Variants in INPP4B observed in about 807,000 individuals in gnomAD.
The protein encoded by INPP4B is inositol polyphosphate 4-phosphatase type II.
In INPP4B, 55 loss-of-function variants were observed where a neutral mutation model predicts 122.5. The ratio of observed to expected loss-of-function variants is 0.45; its 90% CI spans 0.36 to 0.56. INPP4B has a LOEUF of 0.56. Among genes scored for constraint, INPP4B ranks in the 20% least tolerant of loss-of-function variants. The pLI, the probability that INPP4B is intolerant of heterozygous loss-of-function variation, is 0.00. For synonymous variants in INPP4B, 403 were observed against 388.7 expected, an observed-to-expected ratio of 1.04 and a Z score of -0.43; for missense variants, 1,000 against 1,097.7, an observed-to-expected ratio of 0.91 and a Z score of 1.26.
chr4:142,253,500 C>T (rs1406453250), intron 11 of INPP4B, among the ~76,000 whole-genome samples: 1 of 152,126 alleles, frequency 6.6e-6, no homozygotes, highest in Admixed American at 6.5e-5. Context: ...GGTGCGCGCA[C>T]CATGTGCGAG....
At chr4:142,670,742 C>A (rs1471556158) in intron 2 of INPP4B, among the ~76,000 whole-genome samples, 1 of 151,822 alleles carries the variant, frequency 6.6e-6, no homozygotes, top group Non-Finnish European at 1.5e-5. Context: ...CACAACATGG[C>A]AACAATATTT....
intron 18 of INPP4B, among the ~76,000 whole-genome samples, chr4:142,144,795 T>G (rs550480047): frequency 6.6e-6 from 1 of 152,234 alleles, no homozygotes; most frequent in African/African-American, 2.4e-5. Context: ...AATCAAGTGA[T>G]GAAAGATTGA....
At chr4:142,468,811 T>C (rs748132586) in intron 2 of INPP4B, among the ~76,000 whole-genome samples, 2 of 152,150 alleles carry the variant, frequency 1.3e-5, no homozygotes, top group African/African-American at 4.8e-5. Context: ...ACCTCTTTTC[T>C]TTATAAATAA....
At chr4:142,562,751 A>T (rs921756960) in intron 2 of INPP4B, among the ~76,000 whole-genome samples, 2 of 152,216 alleles carry the variant, frequency 1.3e-5, no homozygotes, top group African/African-American at 4.8e-5. Context: ...ATAAAGAGAA[A>T]ATAAAGTCCC....
In INPP4B at chr4:142,589,216, T is replaced by C. The variant is rs550335453; in HGVS notation, c.-190-126490A>G. 5.3e-5 allele frequency among the ~76,000 whole-genome samples: 8 copies of C among 152,174 alleles called. No individual in the cohort carries two copies. The South Asian group carries it at 1.5e-3, about 28-fold the overall frequency. ...ACCTAAATGTAGAATATAAAAGCTA[T>C]ACTCGATGTCCTTTTATTTGGTGGT... On this transcript the variant is annotated intron_variant, in intron 2 of 25. Coordinates refer to ENST00000262992, the MANE Select transcript of INPP4B (RefSeq NM_001101669.3).
In INPP4B at chr4:142,384,059, T is replaced by C. The variant is rs1195955056; in HGVS notation, c.372+18879A>G. 6 of 701,812 alleles carry C rather than the reference T, an allele frequency of 8.5e-6. No homozygotes were observed. The Admixed American group carries it at 1.2e-4, about 14-fold the overall frequency. The allele number at this position is 701,812 out of a possible 1,614,324, so 43.5% of individuals were successfully genotyped here. Reference sequence around the variant, plus strand: ...TGACTGAGCAAGTTGTCTCAAGTTGTCTCAGCTCTGAGGACCTCAAGATCC... The same window carrying C: ...TGACTGAGCAAGTTGTCTCAAGTTGCCTCAGCTCTGAGGACCTCAAGATCC... On this transcript the variant is annotated intron_variant, in intron 7 of 25. Transcript: ENST00000262992.
At chr4:142,701,137 G>A (rs1189746357) in intron 2 of INPP4B, among the ~76,000 whole-genome samples, 2 of 152,122 alleles carry the variant, frequency 1.3e-5, no homozygotes, top group African/African-American at 4.8e-5. Context: ...AAACTGGTCT[G>A]CTTGCCACTC....
chr4:142,764,160 A>G (rs773974852), intron 1 of INPP4B, among the ~76,000 whole-genome samples: 44 of 152,276 alleles, frequency 2.9e-4, no homozygotes, highest in Middle Eastern at 3.4e-3. Flanking sequence ...TTACACATGC[A>G]TATGCAATAA....
intron 1 of INPP4B, among the ~76,000 whole-genome samples, chr4:142,831,558 C>G (rs1302102718): frequency 2.6e-5 from 4 of 152,324 alleles, no homozygotes; most frequent in African/African-American, 9.6e-5. Context: ...AGATTCCTCA[C>G]TATCCATTAA....
intron 12 of INPP4B, among the ~76,000 whole-genome samples, chr4:142,227,556 T>C (rs889020139): frequency 1.6e-4 from 25 of 152,096 alleles, no homozygotes; most frequent in African/African-American, 5.8e-4. Context: ...TTTCATGTAT[T>C]CATGAAAAAT....
At chr4:142,235,616 G>A (rs1027484727) in intron 12 of INPP4B, among the ~76,000 whole-genome samples, 1 of 151,994 alleles carries the variant, frequency 6.6e-6, no homozygotes, top group Non-Finnish European at 1.5e-5. Flanking sequence ...TAGTAGAGAT[G>A]AAGTTTCACT....
In INPP4B at chr4:142,431,287, C is replaced by A. The variant is rs770202155; in HGVS notation, c.-28G>T. On this transcript the variant is annotated 5_prime_UTR_variant, in exon 4 of 26. Transcript: ENST00000262992. ...TCAACCTTCACAGTTTTAAAATTTT[C>A]CAAATTTTCTTGTCCAAATGTCAGT... 1.1e-5 allele frequency: 18 copies of A among 1,574,984 alleles called. No individual in the cohort carries two copies. In the East Asian group the frequency reaches 3.1e-4, roughly 27 times the overall value.
chr4:142,747,886 G>C (rs1769019782), intron 1 of INPP4B, among the ~76,000 whole-genome samples: 2 of 152,026 alleles, frequency 1.3e-5, no homozygotes, highest in Admixed American at 1.3e-4. Context: ...GGGGGAGCTG[G>C]GGAAGGGATA....
At chr4:142,723,150 A>T (rs553388116) in intron 2 of INPP4B, among the ~76,000 whole-genome samples, 1 of 152,102 alleles carries the variant, frequency 6.6e-6, no homozygotes, top group Non-Finnish European at 1.5e-5. Context: ...TTCAATTTAC[A>T]AAATTGTGTT....
At chr4:142,405,706 T>C (rs1402448154) in intron 5 of INPP4B, among the ~76,000 whole-genome samples, 1 of 152,162 alleles carries the variant, frequency 6.6e-6, no homozygotes, top group Non-Finnish European at 1.5e-5. Flanking sequence ...CTGGGAAACT[T>C]TGGTGTTCCT....
At chr4:142,044,990 A>T (rs1750541353) in intron 25 of INPP4B, among the ~76,000 whole-genome samples, 1 of 152,138 alleles carries the variant, frequency 6.6e-6, no homozygotes, top group Non-Finnish European at 1.5e-5. Context: ...CACAATCAGA[A>T]ATTTTTGCAA....
At chr4:142,708,091 C>T (rs1428461974) in intron 2 of INPP4B, among the ~76,000 whole-genome samples, 2 of 152,114 alleles carry the variant, frequency 1.3e-5, no homozygotes, top group Non-Finnish European at 2.9e-5. Flanking sequence ...ATCTGTGGAA[C>T]TTTGAACTTC....
At chr4:142,329,980 A>C (rs890389997) in intron 7 of INPP4B, among the ~76,000 whole-genome samples, 3 of 152,202 alleles carry the variant, frequency 2.0e-5, no homozygotes, top group African/African-American at 7.2e-5. Context: ...AACATGAGGA[A>C]ACTCAATTCT....
intron 2 of INPP4B, among the ~76,000 whole-genome samples, chr4:142,565,551 T>G (rs1267114245): frequency 6.6e-5 from 10 of 152,114 alleles, no homozygotes; most frequent in Admixed American, 6.5e-4. Context: ...GTTTCTAAGT[T>G]AAGGAATTAT....
Sources: allele counts gnomAD v4.1 joint callset (sites outside exome capture counted in the v4.1 genomes callset), GRCh38; gene constraint gnomAD v4.1.1; transcripts MANE v1.5; gene names NCBI Gene and HGNC (gene_info 2026-07-23, HGNC 2026-07-21).